Variants in PLEKHA7 observed in about 807,000 individuals in gnomAD.
The protein encoded by PLEKHA7 is pleckstrin homology domain-containing family A member 7.
Under a neutral mutation model 170.0 loss-of-function variants are expected in PLEKHA7, and 104 were observed. That is an observed-to-expected ratio of 0.61 (90% confidence interval 0.52 to 0.72). PLEKHA7 has a LOEUF of 0.72. PLEKHA7 is among the 30% of genes least tolerant of loss of function. The pLI is 0.00. For missense variants in PLEKHA7, 1,615 were observed against 1,671.7 expected, an observed-to-expected ratio of 0.97 and a Z score of 0.59; for synonymous variants, 648 against 660.8, an observed-to-expected ratio of 0.98 and a Z score of 0.30.
At chr11:16,944,543 T>G (rs992806214) in intron 3 of PLEKHA7, among the ~76,000 whole-genome samples, 4 of 138,954 alleles carry the variant, frequency 2.9e-5, no homozygotes, top group African/African-American at 8.0e-5. Context: ...TTCTTCTCCT[T>G]AAAAAAAAAA....
chr11:17,009,575 C>T (rs181098012), intron 3 of PLEKHA7, among the ~76,000 whole-genome samples: 1 of 152,232 alleles, frequency 6.6e-6, no homozygotes, highest in African/African-American at 2.4e-5. Flanking sequence ...ACCTTGCTAC[C>T]CAGCTAAGGG....
chr11:16,819,372 A>T (rs1850037045), intron 10 of PLEKHA7, among the ~76,000 whole-genome samples: 2 of 152,230 alleles, frequency 1.3e-5, no homozygotes, highest in African/African-American at 4.8e-5. Context: ...TGCTGGGATT[A>T]CAGGCATGAG....
Position 16,791,102 on chromosome 11 carries a change from A to T in PLEKHA7, c.2843T>A (p.Ile948Asn). Residue 948 changes from isoleucine (I) to asparagine (N), a missense_variant, in exon 20 of 27, where the codon ATC (isoleucine) becomes AAC (asparagine). Physicochemically the swap from Ile to Asn is moderately radical, Grantham distance 149 (BLOSUM62 -3). Coordinates refer to ENST00000531066, the MANE Select transcript of PLEKHA7 (RefSeq NM_001329630.2). This position sits in a 1 kb window ranked among gnomAD's most constrained non-coding sequence, Gnocchi z 4.5. The part of the protein sequence containing the change: ...VPPLPREATI[I>N]RHTSVRGLKR... ...GAGGCCCCGCACAGATGTGTGCCGG[A>T]TGATGGTGGCCTCTCTTGGCAGAGG... 2.5e-6 allele frequency: 4 copies of T among 1,614,074 alleles called. No individual in the cohort carries two copies. The highest frequency in any genetic ancestry group is 3.4e-6 in the Non-Finnish European group (4 of 1,180,014).
Position 16,995,431 on chromosome 11 carries a change from G to A in PLEKHA7, c.221+18558C>T, listed in dbSNP as rs1399919458. Among the ~76,000 whole-genome samples the A allele has an allele frequency of 3.3e-5, 5 of 151,974 alleles. No homozygotes were observed. The South Asian group carries it at 6.2e-4, about 19-fold the overall frequency. On this transcript the variant is annotated intron_variant, in intron 3 of 26. Coordinates refer to ENST00000531066, the MANE Select transcript of PLEKHA7 (RefSeq NM_001329630.2). Reference sequence around the variant, plus strand: ...GCCTACAACACCCACACTGTCTCTCGTCCCCGCCCAATCCCAGTTCACAAG... The same window carrying A: ...GCCTACAACACCCACACTGTCTCTCATCCCCGCCCAATCCCAGTTCACAAG...
intron 3 of PLEKHA7, among the ~76,000 whole-genome samples, chr11:16,919,761 T>C (rs1242361103): frequency 1.3e-5 from 2 of 151,698 alleles, no homozygotes; most frequent in African/African-American, 2.4e-5. Flanking sequence ...TATTATCAAA[T>C]GACCCAAATA....
intron 3 of PLEKHA7, among the ~76,000 whole-genome samples, chr11:16,978,971 A>C (rs1863238104): frequency 6.6e-6 from 1 of 152,096 alleles, no homozygotes. Context: ...GTCCTCTAAA[A>C]CAGGCCTCCC....
intron 3 of PLEKHA7, among the ~76,000 whole-genome samples, chr11:16,934,481 T>A (rs2136348977): frequency 6.6e-6 from 1 of 152,348 alleles, no homozygotes; most frequent in South Asian, 2.1e-4. Context: ...TACACAGAGC[T>A]TTCCAAAACC....
At chr11:16,879,040 CA>C (rs1389607936) in intron 3 of PLEKHA7, among the ~76,000 whole-genome samples, 2 of 152,144 alleles carry the variant, frequency 1.3e-5, no homozygotes, top group African/African-American at 4.8e-5. Flanking sequence ...GAAAGGAATG[CA>C]AACACCTGAT....
chr11:16,966,182 A>G (rs1862360939), intron 3 of PLEKHA7, among the ~76,000 whole-genome samples: 1 of 152,114 alleles, frequency 6.6e-6, no homozygotes, highest in Non-Finnish European at 1.5e-5. Context: ...GACTCCATCT[A>G]AAACAAACAA....
At chr11:16,834,008 G>GTTTGT (rs1307910092) in intron 9 of PLEKHA7, among the ~76,000 whole-genome samples, 2 of 139,884 alleles carry the variant, frequency 1.4e-5, no homozygotes, top group South Asian at 2.3e-4. Flanking sequence ...TTTTTTGTTT[G>GTTTGT]TTTGTTTTGT....
intron 9 of PLEKHA7, among the ~76,000 whole-genome samples, chr11:16,835,232 C>T (rs1267929557): frequency 6.6e-6 from 1 of 152,170 alleles, no homozygotes; most frequent in Non-Finnish European, 1.5e-5. Context: ...GATCATGCCA[C>T]CGCACTCCAG....
intron 26 of PLEKHA7, among the ~76,000 whole-genome samples, chr11:16,779,287 C>G (rs1848847400): frequency 6.6e-6 from 1 of 152,222 alleles, no homozygotes; most frequent in African/African-American, 2.4e-5. Flanking sequence ...AATAAAGGTG[C>G]AGTCTGGCCC....
chr11:16,892,616 C>CTTATTTT, intron 3 of PLEKHA7, among the ~76,000 whole-genome samples: 1 of 82,866 alleles, frequency 1.2e-5, no homozygotes, highest in South Asian at 4.1e-4. Context: ...CAGCTTCCAG[C>CTTATTTT]TTCTTTTTTT....
intron 17 of PLEKHA7, among the ~76,000 whole-genome samples, chr11:16,797,619 A>C (rs1193347561): frequency 3.9e-5 from 6 of 152,144 alleles, no homozygotes; most frequent in Non-Finnish European, 8.8e-5. Flanking sequence ...GCACATCCTC[A>C]GGTCTGGCAA....
At chr11:16,859,856 A>C (rs1270866870) in intron 4 of PLEKHA7, among the ~76,000 whole-genome samples, 1 of 152,214 alleles carries the variant, frequency 6.6e-6, no homozygotes, top group Non-Finnish European at 1.5e-5. Flanking sequence ...CCCCTGGGAG[A>C]GGAGACCCAA....
chr11:16,961,922 G>A lies in PLEKHA7; in HGVS notation c.221+52067C>T, dbSNP rs186132371. ...AGATAACATGAGTAAAACACCTATG[G>A]AAGGGTCTGGCACATAGTAAGTGCA... On this transcript the variant is annotated intron_variant, in intron 3 of 26. Transcript: ENST00000531066. Among the ~76,000 whole-genome samples, 306 of 152,280 alleles carry A rather than the reference G, an allele frequency of 2.0e-3. 2 individuals are homozygous for A. The highest frequency in any genetic ancestry group is 7.0e-3 in the African/African-American group (291 of 41,546).
intron 3 of PLEKHA7, among the ~76,000 whole-genome samples, chr11:16,933,699 G>A (rs1860096659): frequency 6.6e-6 from 1 of 152,164 alleles, no homozygotes; most frequent in South Asian, 2.1e-4. Context: ...ACGTCCAAGA[G>A]GAAAAGTCAC....
At chr11:16,934,404 G>A (rs1003392536) in intron 3 of PLEKHA7, among the ~76,000 whole-genome samples, 1 of 151,952 alleles carries the variant, frequency 6.6e-6, no homozygotes, top group Non-Finnish European at 1.5e-5. Context: ...GTAGAGGTTT[G>A]GAGGGGAAAA....
At chr11:16,781,889 C>G (rs560220636) in intron 26 of PLEKHA7, among the ~76,000 whole-genome samples, 2 of 152,258 alleles carry the variant, frequency 1.3e-5, no homozygotes, top group African/African-American at 4.8e-5. Context: ...TGGCTGTTCC[C>G]TCCCCAGAAG....
Sources: allele counts gnomAD v4.1 joint callset (sites outside exome capture counted in the v4.1 genomes callset), GRCh38; gene constraint gnomAD v4.1.1; non-coding constraint Gnocchi (gnomAD v3.1); transcripts MANE v1.5; gene names NCBI Gene and HGNC (gene_info 2026-07-23, HGNC 2026-07-21).